GRIK2: variants seen among roughly 807,000 people sequenced by gnomAD.
GRIK2 encodes glutamate ionotropic receptor kainate type subunit 2, also known as glutamate receptor ionotropic, kainate 2.
Under a neutral mutation model 100.3 loss-of-function variants are expected in GRIK2, and 32 were observed. The ratio of observed to expected loss-of-function variants is 0.32; its 90% CI spans 0.24 to 0.43. The LOEUF (loss-of-function observed/expected upper bound fraction) is 0.43. Ranked by LOEUF, GRIK2 falls within the 20% of genes least tolerant of loss-of-function variation. The pLI is 1.00. For synonymous variants in GRIK2, 417 were observed against 389.4 expected, an observed-to-expected ratio of 1.07 and a Z score of -0.83; for missense variants, 843 against 1,114.9, an observed-to-expected ratio of 0.76 and a Z score of 3.47.
Position 101,785,589 on chromosome 6 carries a change from G to T in GRIK2, c.952-14059G>T, listed in dbSNP as rs140044216. Among the ~76,000 whole-genome samples the T allele has an allele frequency of 4.0e-5, 6 of 151,818 alleles. No individual in the cohort carries two copies. The East Asian group carries it at 9.6e-4, about 24-fold the overall frequency. On this transcript the variant is annotated intron_variant, in intron 7 of 16. Transcript: ENST00000369134. ...TTGAAGAACCTATTCTGTTTCCGAC[G>T]TATATTCTTGGCTCCTTTTCAAAAA...
At chr6:101,445,447 G>A (rs1405669720) in intron 2 of GRIK2, among the ~76,000 whole-genome samples, 1 of 151,788 alleles carries the variant, frequency 6.6e-6, no homozygotes, top group Non-Finnish European at 1.5e-5. Flanking sequence ...CTCCTCCCCC[G>A]AGTCCTTCTG....
In GRIK2 at chr6:101,928,594, G is replaced by A; in HGVS notation, c.2047G>A (p.Gly683Arg). 6.2e-7 allele frequency: 1 copy of A among 1,602,108 alleles called. No individual in the cohort carries two copies. Among genetic ancestry groups the A allele is most frequent in the Non-Finnish European group, 8.6e-7 (1 of 1,169,086 alleles). Residue 683 changes from glycine (G) to arginine (R), a missense_variant, in exon 14 of 17, where the codon GGA (glycine) becomes AGA (arginine). Physicochemically the swap from Gly to Arg is moderately radical, Grantham distance 125 (BLOSUM62 -2). Transcript: ENST00000369134. ...DLAKQTKIEY[G>R]AVEDGATMTF... ...AGCTAAACAAACCAAGATAGAATAT[G>A]GAGCAGTAGAGGATGGTGCAACCAT... is the stretch of plus-strand genomic sequence containing the variant.
intron 2 of GRIK2, among the ~76,000 whole-genome samples, chr6:101,542,882 G>T (rs1013999787): frequency 6.6e-6 from 1 of 152,050 alleles, no homozygotes; most frequent in Non-Finnish European, 1.5e-5. Flanking sequence ...GCTATTTAAA[G>T]ATTGTAATGT....
At chr6:101,626,295 T>C in intron 3 of GRIK2, 85 bp from the exon 4 acceptor site, 1 of 1,180,788 alleles carries the variant, frequency 8.5e-7, no homozygotes, top group Non-Finnish European at 1.2e-6. Context: ...GAATGATACC[T>C]TTGGGTTTAA....
chr6:102,016,524 T>TATAATA (rs530936926), intron 14 of GRIK2, among the ~76,000 whole-genome samples: 1 of 146,800 alleles, frequency 6.8e-6, no homozygotes, highest in Non-Finnish European at 1.5e-5. Flanking sequence ...AAACTTAAAG[T>TATAATA]ATAATAATAA....
At chr6:101,929,571 T>C (rs1277463504) in intron 14 of GRIK2, among the ~76,000 whole-genome samples, 1 of 152,162 alleles carries the variant, frequency 6.6e-6, no homozygotes, top group Non-Finnish European at 1.5e-5. Context: ...ACACGACACA[T>C]TGAGTATTCT....
At chr6:101,441,521 T>A (rs944363116) in intron 2 of GRIK2, among the ~76,000 whole-genome samples, 3 of 152,196 alleles carry the variant, frequency 2.0e-5, no homozygotes, top group South Asian at 2.1e-4. Flanking sequence ...ATTATGCAGT[T>A]TAAGAGATTC....
chr6:101,454,758 G>A (rs1333626116), intron 2 of GRIK2, among the ~76,000 whole-genome samples: 4 of 152,018 alleles, frequency 2.6e-5, no homozygotes, highest in African/African-American at 4.8e-5. Context: ...CTTCAGTGAG[G>A]CATAAATCTT....
intron 2 of GRIK2, among the ~76,000 whole-genome samples, chr6:101,478,012 G>T (rs1176284769): frequency 6.6e-6 from 1 of 152,036 alleles, no homozygotes; most frequent in African/African-American, 2.4e-5. Context: ...AGTTTAGATG[G>T]CTCAGTGAGT....
intron 7 of GRIK2, among the ~76,000 whole-genome samples, chr6:101,762,151 C>CCTCTGT (rs369497183): frequency 0.074 from 10,533 of 141,496 alleles, 723 homozygotes; most frequent in African/African-American, 0.16. Flanking sequence ...CCTTCCTCTT[C>CCTCTGT]CTCTGTCTCT....
chr6:101,642,744 T>C (rs375752511), intron 4 of GRIK2, among the ~76,000 whole-genome samples: 13 of 151,852 alleles, frequency 8.6e-5, no homozygotes, highest in African/African-American at 2.9e-4. Context: ...TTCTTTTCAG[T>C]ATATACCCAG....
intron 11 of GRIK2, among the ~76,000 whole-genome samples, chr6:101,879,738 CATG>C (rs1786116893): frequency 6.6e-6 from 1 of 151,412 alleles, no homozygotes; most frequent in East Asian, 2.0e-4. Flanking sequence ...GCTGTATTAG[CATG>C]AAAATAAGTA....
At chr6:101,470,416 A>G (rs1038422080) in intron 2 of GRIK2, among the ~76,000 whole-genome samples, 1 of 152,108 alleles carries the variant, frequency 6.6e-6, no homozygotes, top group Non-Finnish European at 1.5e-5. Flanking sequence ...ATCTCTTTCC[A>G]ATTTCTTTGC....
intron 10 of GRIK2, among the ~76,000 whole-genome samples, chr6:101,832,730 T>A (rs557144610): frequency 3.2e-4 from 49 of 152,330 alleles, no homozygotes; most frequent in East Asian, 1.4e-3. Context: ...TTCATTTTTT[T>A]AAAATCTTGA....
At chr6:101,635,992 C>T (rs933061572) in intron 4 of GRIK2, among the ~76,000 whole-genome samples, 7 of 152,008 alleles carry the variant, frequency 4.6e-5, no homozygotes, top group African/African-American at 9.7e-5. Context: ...CCAGTAATCC[C>T]GTTACTGGGT....
In GRIK2 at chr6:101,682,749, A is replaced by G. The variant is rs965425922; in HGVS notation, c.777+143A>G. ...TTGATAAGACTCCACCAAAATTATT[A>G]TCAGAGAGGACAACTCTTAATAGAA... On this transcript the variant is annotated intron_variant, in intron 6 of 16. Coordinates refer to ENST00000369134, the MANE Select transcript of GRIK2 (RefSeq NM_021956.5). The G allele has an allele frequency of 1.0e-5, 5 of 495,874 alleles. No homozygotes were observed. The African/African-American group carries it at 1.0e-4, about 10-fold the overall frequency. 30.7% of individuals were successfully genotyped at this position (495,874 alleles called of 1,614,324 possible). A position where few individuals can be genotyped will look rare whatever the true frequency, so the allele number is the denominator to read the frequency against.
chr6:101,767,686 T>C (rs1224748211), intron 7 of GRIK2, among the ~76,000 whole-genome samples: 2 of 152,208 alleles, frequency 1.3e-5, no homozygotes, highest in African/African-American at 2.4e-5. Context: ...CTGTTGAGAA[T>C]AATTACCTCT....
chr6:101,984,826 T>C (rs1267182060), intron 14 of GRIK2, among the ~76,000 whole-genome samples: 1 of 151,738 alleles, frequency 6.6e-6, no homozygotes, highest in Non-Finnish European at 1.5e-5. Context: ...TACATTTTAG[T>C]ACAGCAATTA....
chr6:101,823,939 C>G (rs1169797340), intron 10 of GRIK2, among the ~76,000 whole-genome samples: 1 of 150,178 alleles, frequency 6.7e-6, no homozygotes, highest in Non-Finnish European at 1.5e-5. Context: ...ATGATCTCTG[C>G]TCACTGCAAC....
Sources: allele counts gnomAD v4.1 joint callset (sites outside exome capture counted in the v4.1 genomes callset), GRCh38; gene constraint gnomAD v4.1.1; transcripts MANE v1.5; gene names NCBI Gene and HGNC (gene_info 2026-07-23, HGNC 2026-07-21).